RANBP2: variants seen among roughly 807,000 people sequenced by gnomAD.
The protein encoded by RANBP2 is E3 SUMO-protein ligase RanBP2.
A neutral mutation model predicts 303.6 loss-of-function variants in RANBP2; 57 were observed. The ratio of observed to expected loss-of-function variants is 0.19; its 90% CI spans 0.15 to 0.23. The LOEUF (loss-of-function observed/expected upper bound fraction) is 0.23, where lower values mean the gene tolerates loss of function less well. RANBP2 is among the 10% of genes least tolerant of loss of function. The pLI, the probability that RANBP2 is intolerant of heterozygous loss-of-function variation, is 1.00. For synonymous variants in RANBP2, 1,167 were observed against 1,301.5 expected (o/e 0.90, Z 2.23); for missense variants, 3,138 against 3,780.8 (o/e 0.83, Z 4.46).
the RANBP2 span, among the ~76,000 whole-genome samples, chr2:109,109,983 A>T: frequency 6.6e-6 from 1 of 152,080 alleles, no homozygotes; most frequent in African/African-American, 2.4e-5. Flanking sequence ...AGACCCTGAA[A>T]ATAGGAGACA....
the RANBP2 span, among the ~76,000 whole-genome samples, chr2:108,901,221 A>G: frequency 1.3e-5 from 2 of 152,214 alleles, no homozygotes; most frequent in Non-Finnish European, 1.5e-5. Flanking sequence ...AAAACCAGAC[A>G]ACAGTCTTCT....
intron 4 of RANBP2, 185 bp downstream of exon 4, chr2:108,731,659 T>G (rs1695180904): frequency 8.5e-7 from 1 of 1,180,064 alleles, no homozygotes; most frequent in African/African-American, 1.6e-5. Context: ...TTGTTATACT[T>G]TATAAGTGAC....
chr2:109,356,316 T>C, the RANBP2 span, among the ~76,000 whole-genome samples: 1 of 152,108 alleles, frequency 6.6e-6, no homozygotes, highest in African/African-American at 2.4e-5. Flanking sequence ...ATTTCCCACA[T>C]TGATATTTGA....
At chr2:108,839,132 G>T in the RANBP2 span, 1 of 1,513,542 alleles carries the variant, frequency 6.6e-7, no homozygotes, top group Non-Finnish European at 8.8e-7. Flanking sequence ...ATTGATTTAA[G>T]ACATTTAAAA....
At chr2:109,148,961 G>T in the RANBP2 span, among the ~76,000 whole-genome samples, 1 of 152,188 alleles carries the variant, frequency 6.6e-6, no homozygotes, top group East Asian at 1.9e-4. Flanking sequence ...ACAGAGCCCA[G>T]GCAAGCTTTG....
At chr2:108,907,196 G>A in the RANBP2 span, among the ~76,000 whole-genome samples, 1 of 152,214 alleles carries the variant, frequency 6.6e-6, no homozygotes. Flanking sequence ...ATGCATAGAA[G>A]AAAAACGTTG....
the RANBP2 span, among the ~76,000 whole-genome samples, chr2:109,269,553 G>T: frequency 6.6e-6 from 1 of 152,186 alleles, no homozygotes; most frequent in Admixed American, 6.5e-5. Context: ...GGCCAAGTCT[G>T]GTGGATCACT....
the RANBP2 span, among the ~76,000 whole-genome samples, chr2:109,664,539 G>A: frequency 6.6e-6 from 1 of 152,112 alleles, no homozygotes; most frequent in South Asian, 2.1e-4. Flanking sequence ...GGGAGGAGGA[G>A]GTTGCAGGGA....
chr2:109,340,712 G>A, the RANBP2 span, among the ~76,000 whole-genome samples: 11 of 152,034 alleles, frequency 7.2e-5, no homozygotes, highest in African/African-American at 2.2e-4. Flanking sequence ...AGCTCTTTTC[G>A]TATCATCAGT....
chr2:109,016,905 C>T, the RANBP2 span, among the ~76,000 whole-genome samples: 2 of 152,154 alleles, frequency 1.3e-5, no homozygotes, highest in African/African-American at 2.4e-5. Context: ...GGGGAAAGAA[C>T]GGGATACAAT....
At chr2:109,194,566 A>C in the RANBP2 span, among the ~76,000 whole-genome samples, 2 of 152,206 alleles carry the variant, frequency 1.3e-5, no homozygotes, top group African/African-American at 4.8e-5. Flanking sequence ...CCCCACTTTC[A>C]GGGCCCGGCG....
the RANBP2 span, among the ~76,000 whole-genome samples, chr2:108,831,725 C>CTTCCTTCCTTCCTTCCTTCT: frequency 6.6e-6 from 1 of 151,782 alleles, no homozygotes; most frequent in African/African-American, 2.4e-5. Context: ...TCCTTCCTTC[C>CTTCCTTCCTTCCTTCCTTCT]TTCCTTCCTT....
At chr2:109,584,251 T>C in the RANBP2 span, among the ~76,000 whole-genome samples, 2 of 151,916 alleles carry the variant, frequency 1.3e-5, no homozygotes, top group African/African-American at 4.8e-5. Context: ...CCGAGGTGGG[T>C]AGATCACCTG....
chr2:109,680,676 G>C, the RANBP2 span, among the ~76,000 whole-genome samples: 4 of 152,096 alleles, frequency 2.6e-5, no homozygotes, highest in Non-Finnish European at 4.4e-5. Flanking sequence ...CTGTTTCCTC[G>C]TGCTCACTTT....
the RANBP2 span, among the ~76,000 whole-genome samples, chr2:109,589,825 C>T: frequency 0.016 from 2,475 of 151,850 alleles, 58 homozygotes; most frequent in African/African-American, 0.056. Context: ...AGTTTTATTC[C>T]CAATGGTCAA....
Position 108,719,685 on chromosome 2 carries a change from G to T in RANBP2, c.72+7G>T. 6.2e-7 allele frequency: 1 copy of T among 1,601,140 alleles called. No individual in the cohort carries two copies. Among genetic ancestry groups the T allele is most frequent in the Non-Finnish European group, 8.5e-7 (1 of 1,175,184 alleles). On this transcript the variant is annotated splice_region_variant and intron_variant, in intron 1 of 28. Transcript: ENST00000283195. The stretch of plus-strand genomic sequence containing the variant: ...CACCCCGTCGCCTCGACAGGTGAGT[G>T]GGTCTCGAAGAGACCGACGGCCTCG...
the RANBP2 span, among the ~76,000 whole-genome samples, chr2:109,659,269 C>T: frequency 2.0e-5 from 3 of 149,344 alleles, no homozygotes; most frequent in Non-Finnish European, 3.0e-5. Context: ...CCCAGCTACT[C>T]GGGAGGCTGA....
chr2:109,403,459 C>G, the RANBP2 span, among the ~76,000 whole-genome samples: 1 of 152,348 alleles, frequency 6.6e-6, no homozygotes, highest in Admixed American at 6.5e-5. Context: ...CACCTCAGGG[C>G]TGTACTTCTG....
the RANBP2 span, among the ~76,000 whole-genome samples, chr2:109,560,324 C>CTT: frequency 6.6e-6 from 1 of 152,172 alleles, no homozygotes; most frequent in East Asian, 1.9e-4. Context: ...TGGACCTCAA[C>CTT]TTTGACACAG....
Sources: allele counts gnomAD v4.1 joint callset (sites outside exome capture counted in the v4.1 genomes callset), GRCh38; gene constraint gnomAD v4.1.1; transcripts MANE v1.5; gene names NCBI Gene and HGNC (gene_info 2026-07-23, HGNC 2026-07-21).